LTBP1: variants seen among roughly 807,000 people sequenced by gnomAD.
The protein encoded by LTBP1 is latent transforming growth factor beta binding protein 1.
In LTBP1, 129 loss-of-function variants were observed where a neutral mutation model predicts 207.6. That is an observed-to-expected ratio of 0.62 (90% CI 0.54 to 0.72). The LOEUF is 0.72. Among genes scored for constraint, LTBP1 ranks in the 30% least tolerant of loss-of-function variants. The pLI is 0.00. For missense variants in LTBP1, 2,281 were observed against 2,217.2 expected, an observed-to-expected ratio of 1.03 and a Z score of -0.58; for synonymous variants, 963 against 833.7, an observed-to-expected ratio of 1.16 and a Z score of -2.67.
chr2:33,398,554 C>G lies in LTBP1; in HGVS notation c.*9C>G. On this transcript the variant is annotated 3_prime_UTR_variant, in exon 34 of 34. Transcript: ENST00000404816. ...ACAGTGACCTGGAGTGAAACAGAAT[C>G]TACATAACCTAAGCCCATATACTCT... is the stretch of plus-strand genomic sequence containing the variant. 6.2e-7 allele frequency: 1 copy of G among 1,612,084 alleles called. No individual in the cohort carries two copies. Among genetic ancestry groups the G allele is most frequent in the Non-Finnish European group, 8.5e-7 (1 of 1,178,984 alleles).
chr2:33,007,266 C>T (rs1238230596), intron 2 of LTBP1, among the ~76,000 whole-genome samples: 2 of 152,228 alleles, frequency 1.3e-5, no homozygotes, highest in African/African-American at 4.8e-5. Flanking sequence ...CAGGCGTGAG[C>T]CATCATGCCC....
chr2:33,393,053 A>C (rs544899711), intron 32 of LTBP1, among the ~76,000 whole-genome samples: 1 of 151,670 alleles, frequency 6.6e-6, no homozygotes, highest in East Asian at 1.9e-4. Context: ...TATGGTACAA[A>C]TTTTTTTAAC....
intron 24 of LTBP1, among the ~76,000 whole-genome samples, chr2:33,337,997 T>A (rs924573852): frequency 2.6e-5 from 4 of 152,242 alleles, no homozygotes; most frequent in African/African-American, 9.6e-5. Context: ...AGAGCTCACA[T>A]CATCAAAGAA....
At chr2:33,203,548 A>G (rs2089554480) in intron 7 of LTBP1, among the ~76,000 whole-genome samples, 1 of 152,200 alleles carries the variant, frequency 6.6e-6, no homozygotes, top group Non-Finnish European at 1.5e-5. Flanking sequence ...GTCAGCTTTA[A>G]GGGTCCACCT....
chr2:33,038,877 G>T (rs1176581097), intron 3 of LTBP1, among the ~76,000 whole-genome samples: 1 of 152,196 alleles, frequency 6.6e-6, no homozygotes, highest in African/African-American at 2.4e-5. Flanking sequence ...TGGCCAGTGA[G>T]CCTGGGAGAT....
At chr2:33,183,092 G>A (rs982319119) in intron 5 of LTBP1, among the ~76,000 whole-genome samples, 2 of 151,796 alleles carry the variant, frequency 1.3e-5, no homozygotes, top group Non-Finnish European at 2.9e-5. Flanking sequence ...GTGTACTGTC[G>A]TACTCCTTTT....
chr2:33,277,496 A>C (rs141513878), intron 18 of LTBP1, among the ~76,000 whole-genome samples: 12 of 152,210 alleles, frequency 7.9e-5, no homozygotes, highest in African/African-American at 2.9e-4. Context: ...AGGAACCATG[A>C]AGTTAACTTT....
rs143728872 is a variant in LTBP1 at position 33,378,221 on chromosome 2, G to GTGTGTGTGTT, written c.4712-10962_4712-10961insGTGTGTGTTT. ...TGTGTGTGTGTGTGTGTGTGTGTGTGTTTTGTTTGTTTGTTTGTTTTGGAG... is the reference window on the plus strand; with the variant it reads ...TGTGTGTGTGTGTGTGTGTGTGTGTGTGTGTGTGTTTTTTGTTTGTTTGTTTGTTTTGGAG... On this transcript the variant is annotated intron_variant, in intron 31 of 33. Transcript: ENST00000404816. Among the ~76,000 whole-genome samples the GTGTGTGTGTT allele has an allele frequency of 6.3e-4, 88 of 140,306 alleles. 1 individual carries two copies. Among genetic ancestry groups the GTGTGTGTGTT allele is most frequent in the African/African-American group, 2.3e-3 (82 of 35,628 alleles). The allele number at this position is 140,306 out of a possible 152,430, so 92.0% of individuals were successfully genotyped here.
chr2:32,975,899 G>A (rs1473754119), intron 2 of LTBP1, among the ~76,000 whole-genome samples: 1 of 152,008 alleles, frequency 6.6e-6, no homozygotes, highest in Admixed American at 6.5e-5. Flanking sequence ...TTCTATGTCT[G>A]TCATTTCAGC....
chr2:33,208,508 A>G (rs901367533), intron 7 of LTBP1, among the ~76,000 whole-genome samples: 3 of 152,178 alleles, frequency 2.0e-5, no homozygotes, highest in Non-Finnish European at 4.4e-5. Flanking sequence ...GCAGCCCATT[A>G]TTATGGTTAT....
chr2:33,283,821 GTCTATC>G (rs1172846036), intron 19 of LTBP1, among the ~76,000 whole-genome samples: 4 of 152,130 alleles, frequency 2.6e-5, no homozygotes, highest in Non-Finnish European at 5.9e-5. Context: ...AGATGATAAT[GTCTATC>G]TCACAGGGCT....
intron 3 of LTBP1, among the ~76,000 whole-genome samples, chr2:33,026,405 T>A (rs943917075): frequency 6.6e-6 from 1 of 152,166 alleles, no homozygotes; most frequent in African/African-American, 2.4e-5. Flanking sequence ...ATATATATAT[T>A]TAGAGTTTTG....
intron 5 of LTBP1, among the ~76,000 whole-genome samples, chr2:33,139,639 T>C (rs1024094420): frequency 6.6e-6 from 1 of 152,174 alleles, no homozygotes; most frequent in African/African-American, 2.4e-5. Flanking sequence ...TAAATGCAGA[T>C]GGCCTGATTG....
chr2:33,382,234 A>G (rs1452718741), intron 31 of LTBP1, among the ~76,000 whole-genome samples: 1 of 151,566 alleles, frequency 6.6e-6, no homozygotes, highest in Admixed American at 6.6e-5. Flanking sequence ...AGCTGGGACT[A>G]CAGGTGCACG....
At chr2:33,270,458 C>G (rs969468054) in intron 15 of LTBP1, among the ~76,000 whole-genome samples, 1 of 151,532 alleles carries the variant, frequency 6.6e-6, no homozygotes, top group Non-Finnish European at 1.5e-5. Flanking sequence ...GGCGTGGTGG[C>G]GGGTGCCTGT....
intron 7 of LTBP1, among the ~76,000 whole-genome samples, chr2:33,190,058 AAGGTGTAGTGC>A (rs1188260747): frequency 1.3e-5 from 2 of 152,140 alleles, no homozygotes; most frequent in African/African-American, 4.8e-5. Flanking sequence ...CATAACTTGC[AAGGTGTAGTGC>A]ATGAGTTGTT....
intron 10 of LTBP1, 104 bp downstream of exon 10, chr2:33,243,888 C>T: frequency 1.6e-6 from 2 of 1,269,738 alleles, no homozygotes; most frequent in Non-Finnish European, 2.2e-6. Context: ...TGTAAATATA[C>T]AGGAAAACCT....
At chr2:33,227,140 A>T (rs1412249191) in intron 9 of LTBP1, among the ~76,000 whole-genome samples, 1 of 151,578 alleles carries the variant, frequency 6.6e-6, no homozygotes, top group Non-Finnish European at 1.5e-5. Flanking sequence ...GGTTCAGGTG[A>T]TTCTCCTGCT....
chr2:33,351,401 C>T lies in LTBP1; in HGVS notation c.4000+3891C>T, dbSNP rs116905909. 3.3e-4 allele frequency among the ~76,000 whole-genome samples: 50 copies of T among 152,340 alleles called. 1 individual carries two copies. The East Asian group carries it at 9.2e-3, about 28-fold the overall frequency. Reference sequence around the variant, plus strand: ...TTTAGGGCTGAGGACAACAAGACATCAAATTCTTCTCAAAATTGGCTTTTC... The same window carrying T: ...TTTAGGGCTGAGGACAACAAGACATTAAATTCTTCTCAAAATTGGCTTTTC... On this transcript the variant is annotated intron_variant, in intron 26 of 33. Transcript: ENST00000404816.
Sources: gnomAD v4.1 joint callset for allele counts (sites outside exome capture counted in the v4.1 genomes callset) on GRCh38, gnomAD v4.1.1 for gene constraint, MANE v1.5 for transcripts, NCBI Gene and HGNC (gene_info 2026-07-23, HGNC 2026-07-21) for gene names.